THRB: variants seen among roughly 807,000 people sequenced by gnomAD.
The protein encoded by THRB is nuclear receptor subfamily 1 group A member 2.
Under a neutral mutation model 47.8 loss-of-function variants are expected in THRB, and 12 were observed. That is an observed-to-expected ratio of 0.25 (90% confidence interval 0.16 to 0.41). THRB has a LOEUF of 0.41. Among genes scored for constraint, THRB ranks in the 10% least tolerant of loss-of-function variants. THRB has a pLI of 1.00. For synonymous variants in THRB, 218 were observed against 212.2 expected (o/e 1.03, Z -0.24); for missense variants, 348 against 589.2 (o/e 0.59, Z 4.24).
intron 3 of THRB, among the ~76,000 whole-genome samples, chr3:24,255,797 AGAC>A (rs2051209047): frequency 6.6e-6 from 1 of 152,246 alleles, no homozygotes; most frequent in Non-Finnish European, 1.5e-5. Flanking sequence ...TTTAGGCCAT[AGAC>A]AAGATTTTAT....
intron 1 of THRB, among the ~76,000 whole-genome samples, chr3:24,392,607 T>A (rs571185075): frequency 1.3e-5 from 2 of 152,128 alleles, no homozygotes; most frequent in Non-Finnish European, 2.9e-5. Context: ...TTTTCTCCCA[T>A]GATAAAGCCA....
At chr3:24,362,944 A>G (rs2064181284) in intron 1 of THRB, among the ~76,000 whole-genome samples, 1 of 152,156 alleles carries the variant, frequency 6.6e-6, no homozygotes, top group Admixed American at 6.6e-5. Flanking sequence ...GGAATCTAGA[A>G]GTGGACCTAT....
intron 1 of THRB, among the ~76,000 whole-genome samples, chr3:24,337,986 C>T (rs1209204950): frequency 6.6e-6 from 1 of 152,230 alleles, no homozygotes; most frequent in African/African-American, 2.4e-5. Flanking sequence ...GACCACGACA[C>T]CTGCCATGCC....
intron 1 of THRB, among the ~76,000 whole-genome samples, chr3:24,352,619 C>T (rs544349635): frequency 1.6e-4 from 24 of 152,224 alleles, no homozygotes; most frequent in South Asian, 4.1e-4. Context: ...AAGGTCTTTG[C>T]GCAGCCATTC....
chr3:24,321,632 A>AT (rs538351928), intron 2 of THRB, among the ~76,000 whole-genome samples: 3,519 of 148,506 alleles, frequency 0.024, 48 homozygotes, highest in Middle Eastern at 0.038. Context: ...TGCTAATATA[A>AT]TTTTTTTTTT....
At chr3:24,492,032 G>A (rs1698219082) in intron 1 of THRB, among the ~76,000 whole-genome samples, 1 of 152,188 alleles carries the variant, frequency 6.6e-6, no homozygotes, top group African/African-American at 2.4e-5. Flanking sequence ...AACCATATAA[G>A]CATGGAATGT....
At position 24,182,232 on chromosome 3, in the gene THRB, A is replaced by AG. The variant is rs562424983; in HGVS notation, c.283+7841_283+7842insC. Among the ~76,000 whole-genome samples, 5 of 151,846 alleles carry AG rather than the reference A, an allele frequency of 3.3e-5. No homozygotes were observed. In the South Asian group the frequency reaches 1.0e-3, roughly 32 times the overall value. On this transcript the variant is annotated intron_variant, in intron 5 of 10. Coordinates refer to ENST00000646209, the MANE Select transcript of THRB (RefSeq NM_001354712.2). ...AAAACAAAACAAAAAAACAAACAAA[A>AG]AAAAGAAAGACCACAATGGAAGGGC...
At chr3:24,464,090 C>T (rs1020422492) in intron 1 of THRB, among the ~76,000 whole-genome samples, 1 of 151,830 alleles carries the variant, frequency 6.6e-6, no homozygotes, top group African/African-American at 2.4e-5. Flanking sequence ...ACTAAAAATA[C>T]AAAAAATTAG....
At chr3:24,392,883 C>G (rs1359408992) in intron 1 of THRB, among the ~76,000 whole-genome samples, 21 of 152,028 alleles carry the variant, frequency 1.4e-4, no homozygotes, top group Admixed American at 1.4e-3. Flanking sequence ...GGAATAAGTA[C>G]TTTATTCTAC....
At chr3:24,378,293 G>C (rs1301888150) in intron 1 of THRB, among the ~76,000 whole-genome samples, 2 of 152,152 alleles carry the variant, frequency 1.3e-5, no homozygotes, top group African/African-American at 2.4e-5. Context: ...CAGGTATTTG[G>C]ATAAATGTAG....
intron 4 of THRB, among the ~76,000 whole-genome samples, chr3:24,216,640 A>G (rs549022908): frequency 1.3e-5 from 2 of 152,264 alleles, no homozygotes; most frequent in Non-Finnish European, 2.9e-5. Flanking sequence ...CTGTGTTTAG[A>G]AACTGTGATC....
At chr3:24,283,721 G>A (rs1576538192) in intron 3 of THRB, among the ~76,000 whole-genome samples, 1 of 150,794 alleles carries the variant, frequency 6.6e-6, no homozygotes, top group East Asian at 2.0e-4. Context: ...AAGCTGATAA[G>A]CAACTTCAGC....
chr3:24,434,994 G>A (rs758110985), intron 1 of THRB, among the ~76,000 whole-genome samples: 4 of 152,192 alleles, frequency 2.6e-5, no homozygotes, highest in Non-Finnish European at 5.9e-5. Context: ...TAAGAAAATA[G>A]GTAAAATCTG....
chr3:24,263,369 CAG>C (rs563440302), intron 3 of THRB, among the ~76,000 whole-genome samples: 285 of 152,184 alleles, frequency 1.9e-3, no homozygotes, highest in African/African-American at 6.4e-3. Flanking sequence ...GACAGTTGCA[CAG>C]AGAGGTAAAG....
At chr3:24,217,432 C>G (rs751841289) in intron 4 of THRB, among the ~76,000 whole-genome samples, 18 of 151,972 alleles carry the variant, frequency 1.2e-4, no homozygotes, top group Non-Finnish European at 2.5e-4. Flanking sequence ...CCAAATATGT[C>G]TTTGATGATT....
At position 24,120,800 on chromosome 3, in the gene THRB, C is replaced by T. The variant is rs914241240; in HGVS notation, c.*2084G>A. 7 of 152,206 alleles carry T rather than the reference C, an allele frequency of 4.6e-5. No homozygotes were observed. The highest frequency in any genetic ancestry group is 2.1e-4 in the South Asian group (1 of 4,830). The allele number at this position is 152,206 out of a possible 1,614,324, so 9.4% of individuals were successfully genotyped here. A position where few individuals can be genotyped will look rare whatever the true frequency, so the allele number is the denominator to read the frequency against. On this transcript the variant is annotated 3_prime_UTR_variant, in exon 11 of 11. Coordinates refer to ENST00000646209, the MANE Select transcript of THRB (RefSeq NM_001354712.2). ...AAGCAGGTAATCTGCCAATGAATTT[C>T]GTGCTTATAATTGTAAATCTTTTCA...
chr3:24,475,605 T>G (rs1695338915), intron 1 of THRB, among the ~76,000 whole-genome samples: 1 of 152,190 alleles, frequency 6.6e-6, no homozygotes, highest in African/African-American at 2.4e-5. Flanking sequence ...ACACTACTAG[T>G]GACTAGTTCT....
intron 3 of THRB, among the ~76,000 whole-genome samples, chr3:24,241,973 C>T (rs1221045218): frequency 6.6e-6 from 1 of 152,118 alleles, no homozygotes; most frequent in African/African-American, 2.4e-5. Flanking sequence ...TTCCTCCCCC[C>T]ACAAGTTAGC....
chr3:24,245,496 AGT>A (rs1410595876), intron 3 of THRB, among the ~76,000 whole-genome samples: 2 of 152,156 alleles, frequency 1.3e-5, no homozygotes, highest in Non-Finnish European at 2.9e-5. Context: ...GAGGGCCATT[AGT>A]GTGTGTGAAA....
Sources: allele counts gnomAD v4.1 joint callset (sites outside exome capture counted in the v4.1 genomes callset), GRCh38; gene constraint gnomAD v4.1.1; transcripts MANE v1.5; gene names NCBI Gene and HGNC (gene_info 2026-07-23, HGNC 2026-07-21).